Variants in DNAJC10 observed in about 807,000 individuals in gnomAD.
DNAJC10 encodes DnaJ heat shock protein family (Hsp40) member C10.
DNAJC10 carries 101 observed loss-of-function variants against 115.0 expected under a neutral mutation model. The observed-to-expected ratio is 0.88, with a 90% CI of 0.75 to 1.04. DNAJC10 has a LOEUF of 1.04. Ranked by LOEUF, DNAJC10 falls within the 50% of genes least tolerant of loss-of-function variation. The pLI is 0.00. For missense variants in DNAJC10, 981 were observed against 928.8 expected (o/e 1.06, Z -0.73); for synonymous variants, 307 against 301.5 (o/e 1.02, Z -0.19).
At chr2:182,750,904 A>C (rs1693999260) in intron 14 of DNAJC10, among the ~76,000 whole-genome samples, 1 of 152,196 alleles carries the variant, frequency 6.6e-6, no homozygotes, top group African/African-American at 2.4e-5. Flanking sequence ...GTCATTATGC[A>C]GGACTGTATT....
intron 23 of DNAJC10, among the ~76,000 whole-genome samples, chr2:182,776,861 AAAGAG>A (rs1205063715): frequency 1.3e-5 from 2 of 152,214 alleles, no homozygotes; most frequent in East Asian, 3.8e-4. Context: ...AAATTAAGTT[AAAGAG>A]AATACCCAAT....
intron 11 of DNAJC10, chr2:182,739,685 C>T (rs1333940899): frequency 8.7e-6 from 9 of 1,029,954 alleles, no homozygotes; most frequent in Admixed American, 1.1e-4. Context: ...AGACTCGGGC[C>T]GAAAACAAGT....
At position 182,774,998 on chromosome 2, in the gene DNAJC10, CCT is replaced by C. The variant is rs573226875; in HGVS notation, c.2266-314_2266-313del. Among the ~76,000 whole-genome samples the C allele has an allele frequency of 4.0e-4, 61 of 152,206 alleles. No individual in the cohort carries two copies. In the Middle Eastern group the frequency reaches 0.01, roughly 26 times the overall value. On this transcript the variant is annotated intron_variant, in intron 22 of 23. Coordinates refer to ENST00000264065, the MANE Select transcript of DNAJC10 (RefSeq NM_018981.4). ...TTCCTACTCAGCCATCTTGGAATGC[CCT>C]CTCAAACTTTATCCAGGAACATCTG...
intron 10 of DNAJC10, chr2:182,732,877 T>C (rs1693487141): frequency 3.5e-6 from 1 of 286,112 alleles, no homozygotes; most frequent in East Asian, 9.1e-5. Flanking sequence ...TAAATGTATA[T>C]AGCTCTCATG....
chr2:182,754,195 T>C (rs1458802307), intron 16 of DNAJC10, among the ~76,000 whole-genome samples: 1 of 152,234 alleles, frequency 6.6e-6, no homozygotes, highest in Non-Finnish European at 1.5e-5. Context: ...TATAATTGCT[T>C]TGTTAATCAG....
chr2:182,731,435 C>T (rs553243875), intron 9 of DNAJC10, among the ~76,000 whole-genome samples: 2 of 152,124 alleles, frequency 1.3e-5, no homozygotes, highest in Non-Finnish European at 2.9e-5. Context: ...CTAACCCCTC[C>T]CAAAATAATA....
intron 5 of DNAJC10, among the ~76,000 whole-genome samples, chr2:182,723,455 A>G (rs187821027): frequency 1.3e-5 from 2 of 152,362 alleles, no homozygotes; most frequent in East Asian, 3.9e-4. Flanking sequence ...ACACTTGAAC[A>G]TGTTCTAAGT....
chr2:182,758,793 T>C, intron 19 of DNAJC10, 44 bp from the exon 20 acceptor site: 2 of 1,338,956 alleles, frequency 1.5e-6, no homozygotes, highest in Non-Finnish European at 2.1e-6. Flanking sequence ...ATACATCCAA[T>C]AATAGAGAAT....
rs1694977013 is a variant in DNAJC10, at chr2:182,787,865, G to A, written c.*10733G>A. 1 of 152,356 alleles carries A rather than the reference G, an allele frequency of 6.6e-6. No homozygotes were observed. The highest frequency in any genetic ancestry group is 1.5e-5 in the Non-Finnish European group (1 of 68,250). The allele number at this position is 152,356 out of a possible 1,614,324, so 9.4% of individuals were successfully genotyped here. A position where few individuals can be genotyped will look rare whatever the true frequency, so the allele number is the denominator to read the frequency against. ...GAGCCCAGGAGGTCCAGGCTGCAGTGAGCCGTGATCACACCACTGCACTCC... is the reference window on the plus strand; with the variant it reads ...GAGCCCAGGAGGTCCAGGCTGCAGTAAGCCGTGATCACACCACTGCACTCC... On this transcript the variant is annotated 3_prime_UTR_variant, in exon 24 of 24. Coordinates refer to ENST00000264065, the MANE Select transcript of DNAJC10 (RefSeq NM_018981.4).
intron 22 of DNAJC10, among the ~76,000 whole-genome samples, chr2:182,766,315 G>A (rs914619705): frequency 1.3e-5 from 2 of 152,174 alleles, no homozygotes; most frequent in African/African-American, 4.8e-5. Flanking sequence ...AAGGGACCAG[G>A]TAGCTTAGAA....
chr2:182,734,370 C>A (rs1225926342), intron 10 of DNAJC10, among the ~76,000 whole-genome samples: 1 of 150,720 alleles, frequency 6.6e-6, no homozygotes, highest in Non-Finnish European at 1.5e-5. Flanking sequence ...TTTTTTGTTC[C>A]TAATCATAAA....
Position 182,777,301 on chromosome 2 carries a change from C to A in DNAJC10, c.*169C>A, listed in dbSNP as rs1189794659. ...CTGGTGTAAAAGAAGGGTCTGCAAA[C>A]TTTTTCTGTAAAGGGCCGGTTTATA... is the stretch of plus-strand genomic sequence containing the variant. On this transcript the variant is annotated 3_prime_UTR_variant, in exon 24 of 24. Transcript: ENST00000264065. 1 of 411,982 alleles carries A rather than the reference C, an allele frequency of 2.4e-6. No individual in the cohort carries two copies. Among genetic ancestry groups the A allele is most frequent in the Non-Finnish European group, 4.4e-6 (1 of 228,728 alleles). The allele number at this position is 411,982 out of a possible 1,614,324, so 25.5% of individuals were successfully genotyped here. A position where few individuals can be genotyped will look rare whatever the true frequency, so the allele number is the denominator to read the frequency against.
chr2:182,759,192 C>T lies in DNAJC10; in HGVS notation c.2030C>T (p.Pro677Leu), dbSNP rs934254847. 1.9e-6 allele frequency: 3 copies of T among 1,606,654 alleles called. No homozygotes were observed. The highest frequency in any genetic ancestry group is 2.7e-5 in the African/African-American group (2 of 74,488). The change falls in exon 21 of 24, where the codon CCT becomes CTT. Residue 677 changes from proline (P) to leucine (L), a missense_variant. By Grantham distance (98) the Pro-to-Leu change is moderately conservative. Coordinates refer to ENST00000264065, the MANE Select transcript of DNAJC10 (RefSeq NM_018981.4). ...CCTCAAGTATCCACAGATCTAACAC[C>T]TCAGACTTTCAGTGAAAAAGTTCTA... ...FLPQVSTDLTPQTFSEKVLQG... is the reference protein window; with the variant it reads ...FLPQVSTDLTLQTFSEKVLQG...
chr2:182,750,879 A>C (rs1342327551), intron 14 of DNAJC10, among the ~76,000 whole-genome samples: 1 of 152,206 alleles, frequency 6.6e-6, no homozygotes, highest in Non-Finnish European at 1.5e-5. Context: ...TATGTGGTCC[A>C]CCATTGCCTG....
rs1425394885 is a variant in DNAJC10, at chr2:182,754,778, G to A, written c.1552-225G>A. ...TTTCAATGCCTATGGTTCTCATGGC[G>A]AATGGAGCAGCTATAAATAAGGATC... is the stretch of plus-strand genomic sequence containing the variant. On this transcript the variant is annotated intron_variant, in intron 16 of 23. Coordinates refer to ENST00000264065, the MANE Select transcript of DNAJC10 (RefSeq NM_018981.4). 7.2e-6 allele frequency: 9 copies of A among 1,258,514 alleles called. No homozygotes were observed. The East Asian group carries it at 1.1e-4, about 15-fold the overall frequency. 78.0% of individuals were successfully genotyped at this position (1,258,514 alleles called of 1,614,324 possible).
intron 22 of DNAJC10, among the ~76,000 whole-genome samples, chr2:182,764,182 A>G (rs530983806): frequency 1.2e-3 from 179 of 152,280 alleles, no homozygotes; most frequent in African/African-American, 3.9e-3. Context: ...TTGACGGGTA[A>G]TGAATGCCTG....
At chr2:182,737,002 G>A (rs890193200) in intron 11 of DNAJC10, among the ~76,000 whole-genome samples, 9 of 152,122 alleles carry the variant, frequency 5.9e-5, no homozygotes, top group Admixed American at 2.0e-4. Context: ...CGCCCATCTC[G>A]GCCTCCCAGA....
Position 182,754,998 on chromosome 2 carries a change from A to G in DNAJC10, c.1552-5A>G, listed in dbSNP as rs773355868. 10 of 1,552,166 alleles carry G rather than the reference A, an allele frequency of 6.4e-6. No individual in the cohort carries two copies. Among genetic ancestry groups the G allele is most frequent in the South Asian group, 5.6e-5 (5 of 88,930 alleles). On this transcript the variant is annotated splice_region_variant and splice_polypyrimidine_tract_variant and intron_variant, in intron 16 of 23. Coordinates refer to ENST00000264065, the MANE Select transcript of DNAJC10 (RefSeq NM_018981.4). The stretch of plus-strand genomic sequence containing the variant: ...ATCTTTAATTCATATTCTCCTTCCT[A>G]TCAGTATAACATTCAGGCTTATCCA...
rs911791446 is a variant in DNAJC10, at chr2:182,781,432, A to G, written c.*4300A>G. On this transcript the variant is annotated 3_prime_UTR_variant, in exon 24 of 24. Transcript: ENST00000264065. The stretch of plus-strand genomic sequence containing the variant: ...AGTGCTCCAATAAACATACGTGTGC[A>G]TGTGTCTTTATAGTAAAATTATTTA... The G allele has an allele frequency of 1.3e-5, 2 of 152,152 alleles. No homozygotes were observed. The highest frequency in any genetic ancestry group is 4.8e-5 in the African/African-American group (2 of 41,426). The allele number at this position is 152,152 out of a possible 1,614,324, so 9.4% of individuals were successfully genotyped here. A position where few individuals can be genotyped will look rare whatever the true frequency, so the allele number is the denominator to read the frequency against.
Sources: allele counts gnomAD v4.1 joint callset (sites outside exome capture counted in the v4.1 genomes callset), GRCh38; gene constraint gnomAD v4.1.1; transcripts MANE v1.5; gene names NCBI Gene and HGNC (gene_info 2026-07-23, HGNC 2026-07-21).